Variants in DNAI3 observed in about 807,000 individuals in gnomAD.
DNAI3 encodes dynein axonemal intermediate chain 3.
A neutral mutation model predicts 115.5 loss-of-function variants in DNAI3; 83 were observed. The observed-to-expected ratio is 0.72, with a 90% CI of 0.60 to 0.86. The LOEUF (loss-of-function observed/expected upper bound fraction) is 0.86. Ranked by LOEUF, DNAI3 falls within the 40% of genes least tolerant of loss-of-function variation. The probability of loss-of-function intolerance (pLI) is 0.00; values close to 1 mark genes in which losing one functional copy is unlikely to be tolerated. For synonymous variants in DNAI3, 320 were observed against 347.0 expected, an observed-to-expected ratio of 0.92 and a Z score of 0.86; for missense variants, 1,004 against 1,075.8, an observed-to-expected ratio of 0.93 and a Z score of 0.93.
chr1:85,103,641 T>C (rs709772), intron 13 of DNAI3, among the ~76,000 whole-genome samples: 149,904 of 152,174 alleles, frequency 0.99, 73,880 homozygotes, highest in East Asian at 1. Flanking sequence ...AATCCCAGCA[T>C]TTTCAGAGGC....
intron 4 of DNAI3, 80 bp from the exon 5 acceptor site, chr1:85,082,220 A>G: frequency 1.8e-6 from 2 of 1,141,774 alleles, no homozygotes; most frequent in Middle Eastern, 2.4e-4. Flanking sequence ...TGATTAGCGA[A>G]ATGTGAATTT....
At chr1:85,080,046 C>CT (rs35938324) in intron 3 of DNAI3, among the ~76,000 whole-genome samples, 2,735 of 68,242 alleles carry the variant, frequency 0.04, 135 homozygotes, top group African/African-American at 0.056. Flanking sequence ...TTTTCTTTTT[C>CT]TTTTTTTTTT....
chr1:85,078,022 G>A (rs1221370048), intron 3 of DNAI3, among the ~76,000 whole-genome samples: 1 of 152,158 alleles, frequency 6.6e-6, no homozygotes, highest in Non-Finnish European at 1.5e-5. Flanking sequence ...CATGAATTGT[G>A]TAGAGCTTGA....
intron 1 of DNAI3, among the ~76,000 whole-genome samples, chr1:85,065,728 T>C (rs781572012): frequency 4.6e-5 from 7 of 152,258 alleles, no homozygotes; most frequent in Non-Finnish European, 1.0e-4. Context: ...GGCTCCATGC[T>C]GATTCTGACA....
intron 10 of DNAI3, 27 bp from the exon 11 acceptor site, chr1:85,095,904 T>C: frequency 1.3e-6 from 2 of 1,592,314 alleles, no homozygotes; most frequent in South Asian, 1.1e-5. Flanking sequence ...TTCTCATTCT[T>C]TCATGAATTT....
At chr1:85,124,694 C>CT (rs1157046551) in intron 19 of DNAI3, among the ~76,000 whole-genome samples, 1 of 152,124 alleles carries the variant, frequency 6.6e-6, no homozygotes, top group Non-Finnish European at 1.5e-5. Flanking sequence ...CCAAGCCCAG[C>CT]TTTTTTGTGT....
Position 85,110,292 on chromosome 1 carries a change from C to A in DNAI3, c.1786+157C>A, listed in dbSNP as rs561679114. Among the ~76,000 whole-genome samples, 14 of 151,580 alleles carry A rather than the reference C, an allele frequency of 9.2e-5. No individual in the cohort carries two copies. In the East Asian group the frequency reaches 2.0e-3, roughly 21 times the overall value. On this transcript the variant is annotated intron_variant, in intron 16 of 22. Transcript: ENST00000294664. Reference sequence around the variant, plus strand: ...CGGTGAAACCCCGTCTCTACTAAAACTACAAAAAATTAGCCGGGCTTAGTG... The same window carrying A: ...CGGTGAAACCCCGTCTCTACTAAAAATACAAAAAATTAGCCGGGCTTAGTG...
At chr1:85,067,138 T>A (rs1364442731) in intron 1 of DNAI3, among the ~76,000 whole-genome samples, 1 of 152,202 alleles carries the variant, frequency 6.6e-6, no homozygotes, top group Non-Finnish European at 1.5e-5. Flanking sequence ...TTCACCGGGC[T>A]CTCTTCAGCT....
chr1:85,066,636 G>T (rs1217164894), intron 1 of DNAI3, among the ~76,000 whole-genome samples: 2 of 151,730 alleles, frequency 1.3e-5, no homozygotes, highest in African/African-American at 2.4e-5. Context: ...CCTCTTCTGC[G>T]ACTCTTAATA....
chr1:85,095,907 A>C, intron 10 of DNAI3, 24 bp from the exon 11 acceptor site: 10 of 1,600,392 alleles, frequency 6.2e-6, no homozygotes, highest in Non-Finnish European at 8.6e-6. Flanking sequence ...TCATTCTTTC[A>C]TGAATTTGCT....
intron 1 of DNAI3, among the ~76,000 whole-genome samples, chr1:85,070,765 TG>T (rs1298925533): frequency 6.6e-5 from 10 of 152,244 alleles, no homozygotes; most frequent in African/African-American, 2.4e-4. Context: ...TCAATAAAAA[TG>T]TTTTAATGTG....
intron 3 of DNAI3, among the ~76,000 whole-genome samples, chr1:85,074,210 C>T (rs552717340): frequency 1.3e-5 from 2 of 152,298 alleles, no homozygotes; most frequent in Admixed American, 6.5e-5. Context: ...CTCCTCACAT[C>T]GGTTAGTTCC....
rs181229540 is a variant in DNAI3 at position 85,101,942 on chromosome 1, A to C, written c.1480-2582A>C. Among the ~76,000 whole-genome samples, 636 of 151,836 alleles carry C rather than the reference A, an allele frequency of 4.2e-3. 5 individuals are homozygous for C. The highest frequency in any genetic ancestry group is 0.014 in the African/African-American group (587 of 41,424). ...AGGCCAGGCATGGTGGCTCATTCAT[A>C]CCTATAATTCCAACACTAGGAGGCT... On this transcript the variant is annotated intron_variant, in intron 13 of 22. Coordinates refer to ENST00000294664, the MANE Select transcript of DNAI3 (RefSeq NM_145172.5).
intron 3 of DNAI3, among the ~76,000 whole-genome samples, chr1:85,078,828 T>C (rs945769337): frequency 6.6e-6 from 1 of 152,220 alleles, no homozygotes; most frequent in Non-Finnish European, 1.5e-5. Flanking sequence ...TCCACTAGTT[T>C]TACTGACTTC....
intron 7 of DNAI3, 113 bp from the exon 8 acceptor site, chr1:85,090,003 T>C (rs1399604891): frequency 1.2e-5 from 5 of 411,018 alleles, no homozygotes; most frequent in Non-Finnish European, 1.8e-5. Flanking sequence ...AATTTAAATA[T>C]AAAATAATAT....
In DNAI3 at chr1:85,121,754, GGCGAA is replaced by G; in HGVS notation, c.1923_1927del (p.Glu642AspfsTer12). On this transcript the variant is annotated frameshift_variant, in exon 18 of 23. Transcript: ENST00000294664. LOFTEE classifies it high-confidence loss of function. Reference sequence around the variant, plus strand: ...CAGGAACCTGTAATATTTTTAGGAAGGCGAAGTGATATACACAGATTGGAAAATGG... The same window carrying G: ...CAGGAACCTGTAATATTTTTAGGAAGGTGATATACACAGATTGGAAAATGG... 1 of 1,614,076 alleles carries G rather than the reference GGCGAA, an allele frequency of 6.2e-7. No homozygotes were observed. The highest frequency in any genetic ancestry group is 8.5e-7 in the Non-Finnish European group (1 of 1,179,960).
intron 16 of DNAI3, among the ~76,000 whole-genome samples, chr1:85,110,418 T>A (rs887064704): frequency 6.7e-6 from 1 of 148,762 alleles, no homozygotes; most frequent in Non-Finnish European, 1.5e-5. Flanking sequence ...GCCACTGTAC[T>A]CCAGTCCGGG....
Position 85,117,818 on chromosome 1 carries a change from C to A in DNAI3, c.1876C>A (p.Pro626Thr). 6.2e-7 allele frequency: 1 copy of A among 1,613,746 alleles called. No homozygotes were observed. The highest frequency in any genetic ancestry group is 8.5e-7 in the Non-Finnish European group (1 of 1,179,742). Residue 626 changes from proline to threonine, a missense_variant, in exon 17 of 23, where the codon CCA (proline) becomes ACA (threonine). Pro to Thr is a conservative substitution (Grantham distance 38). This residue lies in a region of DNAI3 where 429 missense variants were observed against 454.3 expected (regional missense o/e 0.94). Transcript: ENST00000294664. ...LESGMANLLK[P>T]IDDFCTKFFV... ...AAGTGGGATGGCCAATCTTCTCAAGCCAATAGATGACTTCTGCACAAAGTT... is the reference window on the plus strand; with the variant it reads ...AAGTGGGATGGCCAATCTTCTCAAGACAATAGATGACTTCTGCACAAAGTT...
rs191976735 is a variant in DNAI3, at chr1:85,098,040, A to C, written c.1350+385A>C. ...GGACATGCCACCTCACCTCAGCACG[A>C]TAGCTTTTCTCATGTATAAAATGAA... is the stretch of plus-strand genomic sequence containing the variant. On this transcript the variant is annotated intron_variant, in intron 12 of 22. Transcript: ENST00000294664. 8.3e-4 allele frequency among the ~76,000 whole-genome samples: 127 copies of C among 152,304 alleles called. 1 individual carries two copies. The Middle Eastern group carries it at 0.01, about 12-fold the overall frequency.
Sources: gnomAD v4.1 joint callset for allele counts (sites outside exome capture counted in the v4.1 genomes callset) on GRCh38, gnomAD v4.1.1 for gene constraint, gnomAD v4.1.1 regional missense constraint, MANE v1.5 for transcripts, NCBI Gene and HGNC (gene_info 2026-07-23, HGNC 2026-07-21) for gene names.